HAUS5: variants seen among roughly 807,000 people sequenced by gnomAD.
HAUS5 encodes the protein HAUS augmin like complex subunit 5.
HAUS5 carries 67 observed loss-of-function variants against 94.1 expected under a neutral mutation model. The ratio of observed to expected loss-of-function variants is 0.71; its 90% CI spans 0.58 to 0.87. The LOEUF is 0.87. HAUS5 is among the 40% of genes least tolerant of loss of function. The pLI, the probability that HAUS5 is intolerant of heterozygous loss-of-function variation, is 0.00. For synonymous variants in HAUS5, 339 were observed against 355.4 expected (o/e 0.95, Z 0.52); for missense variants, 739 against 825.6 (o/e 0.90, Z 1.29).
Position 35,622,862 on chromosome 19 carries a change from A to G in HAUS5, c.1785-14A>G. On this transcript the variant is annotated splice_polypyrimidine_tract_variant and intron_variant, in intron 18 of 18. Coordinates refer to ENST00000203166, the MANE Select transcript of HAUS5 (RefSeq NM_015302.2). ...GGTCAGTCCTTTCCTCGTTGACGCC[A>G]TGCCATTCCCCAGGTGGGAGCAGCC... 2 of 1,610,948 alleles carry G rather than the reference A, an allele frequency of 1.2e-6. No homozygotes were observed. The highest frequency in any genetic ancestry group is 1.7e-6 in the Non-Finnish European group (2 of 1,177,118).
At position 35,619,512 on chromosome 19, in the gene HAUS5, G is replaced by A. The variant is rs1188302066; in HGVS notation, c.1260+8G>A. The A allele has an allele frequency of 6.2e-7, 1 of 1,608,902 alleles. No homozygotes were observed. The highest frequency in any genetic ancestry group is 8.5e-7 in the Non-Finnish European group (1 of 1,177,282). Reference sequence around the variant, plus strand: ...TGCCGGAGCCCGGGGGAGGTGAGATGGGAGTTGGGGTGAGGTCTGGGTAGG... The same window carrying A: ...TGCCGGAGCCCGGGGGAGGTGAGATAGGAGTTGGGGTGAGGTCTGGGTAGG... On this transcript the variant is annotated splice_region_variant and intron_variant, in intron 14 of 18. Coordinates refer to ENST00000203166, the MANE Select transcript of HAUS5 (RefSeq NM_015302.2).
At chr19:35,614,125 G>C (rs965577258) in intron 4 of HAUS5, 66 bp downstream of exon 4, 41 of 1,417,406 alleles carry the variant, frequency 2.9e-5, no homozygotes, top group Admixed American at 1.7e-4. Flanking sequence ...TCTGCTCTAA[G>C]CCCAACCAGG....
rs776318653 is a variant in HAUS5 at position 35,622,858 on chromosome 19, C to T, written c.1785-18C>T. 1.5e-5 allele frequency: 24 copies of T among 1,608,430 alleles called. No individual in the cohort carries two copies. Among genetic ancestry groups the T allele is most frequent in the East Asian group, 2.2e-5 (1 of 44,884 alleles). On this transcript the variant is annotated intron_variant, in intron 18 of 18. Coordinates refer to ENST00000203166, the MANE Select transcript of HAUS5 (RefSeq NM_015302.2). ...GGAGGGTCAGTCCTTTCCTCGTTGA[C>T]GCCATGCCATTCCCCAGGTGGGAGC...
chr19:35,623,407 G>T lies in HAUS5; in HGVS notation c.*414G>T, dbSNP rs1445236535. Reference sequence around the variant, plus strand: ...AAATCCAGCAGGGGGTGGGATGTGTGATTTGAATTGAGGGCCACACTGCCC... The same window carrying T: ...AAATCCAGCAGGGGGTGGGATGTGTTATTTGAATTGAGGGCCACACTGCCC... On this transcript the variant is annotated 3_prime_UTR_variant, in exon 19 of 19. Transcript: ENST00000203166. The T allele has an allele frequency of 5.7e-6, 1 of 175,350 alleles. No individual in the cohort carries two copies. Among genetic ancestry groups the T allele is most frequent in the African/African-American group, 2.4e-5 (1 of 41,614 alleles). The allele number at this position is 175,350 out of a possible 1,614,324, so 10.9% of individuals were successfully genotyped here.
chr19:35,619,843 C>A, intron 15 of HAUS5, 85 bp downstream of exon 15: 1 of 1,509,852 alleles, frequency 6.6e-7, no homozygotes, highest in South Asian at 1.3e-5. Context: ...AAAAGATAAC[C>A]CCAGACCCCC....
At chr19:35,621,818 G>A (rs1259909766) in intron 17 of HAUS5, among the ~76,000 whole-genome samples, 2 of 152,152 alleles carry the variant, frequency 1.3e-5, no homozygotes, top group Non-Finnish European at 2.9e-5. Context: ...GCTGAACAAA[G>A]AGCCAGTGTC....
chr19:35,619,197 G>C (rs1158855559), intron 13 of HAUS5, 148 bp downstream of exon 13: 3 of 864,798 alleles, frequency 3.5e-6, no homozygotes, highest in Non-Finnish European at 5.2e-6. Flanking sequence ...GAGCCCAGGA[G>C]TTCAAGGCTG....
chr19:35,618,659 G>A lies in HAUS5; in HGVS notation c.976G>A (p.Val326Met), dbSNP rs200256776. ...CTTGACCCAGCGCCTCCAGGGCCTG[G>A]TGGAGGAGGTGGAGAGACGCGTCCT... Reference protein sequence around the residue: ...QVLTQRLQGLVEEVERRVLGS... With the variant: ...QVLTQRLQGLMEEVERRVLGS... The change falls in exon 12 of 19, where the codon GTG becomes ATG. Residue 326 changes from valine (V) to methionine (M), a missense_variant. Val to Met is a conservative substitution (Grantham distance 21, BLOSUM62 1). Transcript: ENST00000203166. 5.2e-5 allele frequency: 84 copies of A among 1,605,320 alleles called. No individual in the cohort carries two copies. In the African/African-American group the frequency reaches 1.1e-3, roughly 20 times the overall value.
rs770819144 is a variant in HAUS5 at position 35,619,524 on chromosome 19, G to A, written c.1260+20G>A. 1 of 1,608,590 alleles carries A rather than the reference G, an allele frequency of 6.2e-7. No homozygotes were observed. The highest frequency in any genetic ancestry group is 1.1e-5 in the South Asian group (1 of 90,190). ...GGGGAGGTGAGATGGGAGTTGGGGT[G>A]AGGTCTGGGTAGGGCTGGATCTGCC... On this transcript the variant is annotated intron_variant, in intron 14 of 18. Transcript: ENST00000203166.
chr19:35,618,304 C>T (rs1967139669), intron 10 of HAUS5, 98 bp from the exon 11 acceptor site: 3 of 1,601,654 alleles, frequency 1.9e-6, no homozygotes, highest in African/African-American at 2.7e-5. Flanking sequence ...GAACTGAAAC[C>T]CACTGCCTGG....
chr19:35,619,603 T>A lies in HAUS5; in HGVS notation c.1261-10T>A, dbSNP rs1471584719. Reference sequence around the variant, plus strand: ...TGTGATGCCCCACCCACCCCTCCCCTTCCCCACAGGTGCTAGCTCTGGTCC... The same window carrying A: ...TGTGATGCCCCACCCACCCCTCCCCATCCCCACAGGTGCTAGCTCTGGTCC... On this transcript the variant is annotated splice_polypyrimidine_tract_variant and intron_variant, in intron 14 of 18. Transcript: ENST00000203166. The A allele has an allele frequency of 1.4e-4, 64 of 442,798 alleles. No individual in the cohort carries two copies. The highest frequency in any genetic ancestry group is 2.1e-4 in the Non-Finnish European group (54 of 257,412). 27.4% of individuals were successfully genotyped at this position (442,798 alleles called of 1,614,324 possible).
chr19:35,615,074 G>T lies in HAUS5; in HGVS notation c.252G>T (p.Val84=). The T allele has an allele frequency of 6.2e-7, 1 of 1,603,600 alleles. No individual in the cohort carries two copies. The highest frequency in any genetic ancestry group is 1.1e-5 in the South Asian group (1 of 89,318). The change falls in exon 5 of 19, where the codon GTG becomes GTT. Residue 84 remains valine, a synonymous_variant. Transcript: ENST00000203166. The stretch of plus-strand genomic sequence containing the variant: ...GGAAGTTAGAGCTGGAAGCTGCTGT[G>T]ACCCGCCTGCGGGCAGAAATCCAGG... ...VRRKLELEAA[V]TRLRAEIQEL...
chr19:35,622,587 T>G lies in HAUS5; in HGVS notation c.1652-14T>G. 1 of 1,612,112 alleles carries G rather than the reference T, an allele frequency of 6.2e-7. No homozygotes were observed. The highest frequency in any genetic ancestry group is 1.3e-5 in the African/African-American group (1 of 74,800). The stretch of plus-strand genomic sequence containing the variant: ...AGAGGACTCAAAGCTGCCTCCTGGC[T>G]TTCTCACCCTCAGAGCTGCTGCAGA... On this transcript the variant is annotated splice_polypyrimidine_tract_variant and intron_variant, in intron 17 of 18. Coordinates refer to ENST00000203166, the MANE Select transcript of HAUS5 (RefSeq NM_015302.2).
At position 35,624,408 on chromosome 19, in the gene HAUS5, T is replaced by TCTGAAATGGCCATATC. The variant is rs1967273253; in HGVS notation, c.*1415_*1416insCTGAAATGGCCATATC. ...GCATGAGCCACCGCGCCTGACCACA[T>TCTGAAATGGCCATATC]TGCCATATCTGAAATGGCTGGATTC... On this transcript the variant is annotated 3_prime_UTR_variant, in exon 19 of 19. Transcript: ENST00000203166. 6.6e-6 allele frequency: 1 copy of TCTGAAATGGCCATATC among 152,038 alleles called. No homozygotes were observed. The highest frequency in any genetic ancestry group is 1.5e-5 in the Non-Finnish European group (1 of 68,044). The allele number at this position is 152,038 out of a possible 1,614,324, so 9.4% of individuals were successfully genotyped here.
At chr19:35,619,317 G>A in intron 13 of HAUS5, 107 bp from the exon 14 acceptor site, 1 of 911,036 alleles carries the variant, frequency 1.1e-6, no homozygotes, top group Non-Finnish European at 1.7e-6. Context: ...GGGCCTCCTA[G>A]GCAAGAGCCC....
intron 4 of HAUS5, among the ~76,000 whole-genome samples, chr19:35,614,507 C>G (rs2071924005): frequency 6.6e-6 from 1 of 152,168 alleles, no homozygotes; most frequent in African/African-American, 2.4e-5. Context: ...TCGCTTGAAC[C>G]TGGGAGGCAG....
Position 35,615,267 on chromosome 19 carries a change from C to T in HAUS5, c.366C>T (p.Thr122=), listed in dbSNP as rs773298393. ...AGGCACGTCAGCACACTCAAGACAC[C>T]CAGCGTCGAGCTCTCCTCCTCCGGG... ...MEQARQHTQD[T]QRRALLLRAQ... The change falls in exon 6 of 19, where the codon ACC becomes ACT. Residue 122 remains threonine, a synonymous_variant. Transcript: ENST00000203166. The T allele has an allele frequency of 6.2e-7, 1 of 1,614,054 alleles. No individual in the cohort carries two copies. Among genetic ancestry groups the T allele is most frequent in the Non-Finnish European group, 8.5e-7 (1 of 1,180,014 alleles).
intron 6 of HAUS5, 64 bp downstream of exon 6, chr19:35,615,450 G>T: frequency 1.6e-6 from 2 of 1,289,812 alleles, no homozygotes; most frequent in Non-Finnish European, 1.1e-6. Flanking sequence ...AGACCTCAGG[G>T]CTCTGCCCTG....
At chr19:35,614,732 G>A (rs561515229) in intron 4 of HAUS5, among the ~76,000 whole-genome samples, 2 of 152,220 alleles carry the variant, frequency 1.3e-5, no homozygotes, top group African/African-American at 2.4e-5. Flanking sequence ...GGGTGCAAGG[G>A]GCTCATATGA....
Sources: allele counts gnomAD v4.1 joint callset (sites outside exome capture counted in the v4.1 genomes callset), GRCh38; gene constraint gnomAD v4.1.1; transcripts MANE v1.5; gene names NCBI Gene and HGNC (gene_info 2026-07-23, HGNC 2026-07-21).